Variants in DCAF16 observed in about 807,000 individuals in gnomAD.
The protein encoded by DCAF16 is DDB1 and CUL4 associated factor 16.
A neutral mutation model predicts 17.3 loss-of-function variants in DCAF16; 10 were observed. The ratio of observed to expected loss-of-function variants is 0.58; its 90% CI spans 0.36 to 0.98. The LOEUF (loss-of-function observed/expected upper bound fraction) is 0.98. DCAF16 is among the 50% of genes least tolerant of loss of function. The probability of loss-of-function intolerance (pLI) is 0.01; values close to 1 mark genes in which losing one functional copy is unlikely to be tolerated. For synonymous variants in DCAF16, 111 were observed against 92.8 expected, an observed-to-expected ratio of 1.20 and a Z score of -1.12; for missense variants, 249 against 247.6, an observed-to-expected ratio of 1.01 and a Z score of -0.04.
At chr4:17,799,179 G>A (rs73096973), downstream of DCAF16, among the ~76,000 whole-genome samples, 20,358 of 152,106 alleles carry the variant, frequency 0.13, 1,523 homozygotes, top group South Asian at 0.26. Flanking sequence ...CTGAGTATCC[G>A]TTGTGGGGGT....
rs935973371 is a variant in DCAF16 at position 17,802,929 on chromosome 4, G to A, written c.*562C>T. ...ATTAATAATCAGGTATCTCATTAAA[G>A]CCATTCAGAAAGGCAGAGTAAATTG... is the stretch of plus-strand genomic sequence containing the variant. On this transcript the variant is annotated 3_prime_UTR_variant, in exon 3 of 3. Transcript: ENST00000382247. The A allele has an allele frequency of 2.0e-5, 3 of 153,416 alleles. No individual in the cohort carries two copies. The highest frequency in any genetic ancestry group is 4.4e-5 in the Non-Finnish European group (3 of 68,938). 9.5% of individuals were successfully genotyped at this position (153,416 alleles called of 1,614,324 possible).
At position 17,804,077 on chromosome 4, in the gene DCAF16, A is replaced by G. The variant is rs779079995; in HGVS notation, c.65T>C (p.Ile22Thr). ...CCCAGAACTCTCATTTAGGTAACTAATATTTTCTTCTTCCTCACTTTCTGA... is the reference window on the plus strand; with the variant it reads ...CCCAGAACTCTCATTTAGGTAACTAGTATTTTCTTCTTCCTCACTTTCTGA... ...SESESEEEEN[I>T]SYLNESSGEE... Residue 22 changes from isoleucine (I) to threonine (T), a missense_variant, in exon 3 of 3, where the codon ATT (isoleucine) becomes ACT (threonine). Transcript: ENST00000382247. 6.2e-7 allele frequency: 1 copy of G among 1,614,186 alleles called. No individual in the cohort carries two copies. Among genetic ancestry groups the G allele is most frequent in the South Asian group, 1.1e-5 (1 of 91,092 alleles).
chr4:17,809,995 C>A (rs1044380132), intron 1 of DCAF16, among the ~76,000 whole-genome samples: 1 of 152,106 alleles, frequency 6.6e-6, no homozygotes, highest in Non-Finnish European at 1.5e-5. Flanking sequence ...ATGTCAATTT[C>A]TTTTACAACA....
intron 1 of DCAF16, among the ~76,000 whole-genome samples, chr4:17,807,267 T>A (rs142929806): frequency 5.4e-4 from 83 of 152,314 alleles, no homozygotes; most frequent in Middle Eastern, 6.8e-3. Context: ...TGGACTGAAC[T>A]AAAGATACCA....
At chr4:17,799,252 C>A (rs554055508), downstream of DCAF16, among the ~76,000 whole-genome samples, 6 of 152,228 alleles carry the variant, frequency 3.9e-5, no homozygotes, top group Admixed American at 2.6e-4. Context: ...CCATTCAATT[C>A]TTTTATATGA....
intron 1 of DCAF16, chr4:17,809,615 T>C (rs762836318): frequency 6.6e-6 from 1 of 152,158 alleles, no homozygotes; most frequent in Non-Finnish European, 1.5e-5. Context: ...CAGCTGGCAG[T>C]AGGTTACTGA....
chr4:17,809,741 CAG>C (rs1410875956), intron 1 of DCAF16: 4 of 152,106 alleles, frequency 2.6e-5, no homozygotes, highest in Non-Finnish European at 5.9e-5. Flanking sequence ...ATTACATACG[CAG>C]AGGAGTCCCA....
At chr4:17,796,451 C>G (rs960231193), downstream of DCAF16, among the ~76,000 whole-genome samples, 3 of 152,176 alleles carry the variant, frequency 2.0e-5, no homozygotes, top group Admixed American at 6.5e-5. Flanking sequence ...TGGCTCACGC[C>G]TGTAATTCCA....
Position 17,803,535 on chromosome 4 carries a change from C to T in DCAF16, c.607G>A (p.Asp203Asn). Residue 203 changes from aspartate to asparagine, a missense_variant, in exon 3 of 3, where the codon GAC becomes AAC. Asp to Asn is a conservative substitution (Grantham distance 23, BLOSUM62 1). Transcript: ENST00000382247. ...AGTTTGTTAACTGCCTTTTGGAAGT[C>T]AGTGTAAGAATAAGTAGTGTTGATG... is the stretch of plus-strand genomic sequence containing the variant. ...EPINTTYSYT[D>N]FQKAVNKLLT... is the part of the protein sequence containing the mutation. The T allele has an allele frequency of 6.2e-7, 1 of 1,614,118 alleles. No individual in the cohort carries two copies. Among genetic ancestry groups the T allele is most frequent in the East Asian group, 2.2e-5 (1 of 44,886 alleles).
At chr4:17,805,443 TA>T (rs932388899) in intron 1 of DCAF16, among the ~76,000 whole-genome samples, 2 of 151,642 alleles carry the variant, frequency 1.3e-5, no homozygotes, top group African/African-American at 4.8e-5. Flanking sequence ...TAGCTCAAAT[TA>T]AAAAAAAGTA....
At position 17,810,569 on chromosome 4, in the gene DCAF16, G is replaced by A. The variant is rs1720823917; in HGVS notation, c.-872C>T. The A allele has an allele frequency of 6.6e-6, 1 of 152,434 alleles. No homozygotes were observed. The highest frequency in any genetic ancestry group is 2.4e-5 in the African/African-American group (1 of 41,476). The allele number at this position is 152,434 out of a possible 1,614,324, so 9.4% of individuals were successfully genotyped here. A position where few individuals can be genotyped will look rare whatever the true frequency, so the allele number is the denominator to read the frequency against. ...CTCTCGAAGCGGAGCCCTCGTGTGGGGATCCCCCGCCCTTCGGCCACAAGG... is the reference window on the plus strand; with the variant it reads ...CTCTCGAAGCGGAGCCCTCGTGTGGAGATCCCCCGCCCTTCGGCCACAAGG... On this transcript the variant is annotated 5_prime_UTR_variant, in exon 1 of 3. Transcript: ENST00000382247.
downstream of DCAF16, among the ~76,000 whole-genome samples, chr4:17,798,086 T>C (rs1346383885): frequency 6.6e-6 from 1 of 152,196 alleles, no homozygotes; most frequent in African/African-American, 2.4e-5. Flanking sequence ...AGCTAACCAG[T>C]ATCCTGAGTC....
rs369957268 is a variant in DCAF16 at position 17,803,500 on chromosome 4, T to A, written c.642A>T (p.Ala214=). 34 of 1,613,258 alleles carry A rather than the reference T, an allele frequency of 2.1e-5. No individual in the cohort carries two copies. Among genetic ancestry groups the A allele is most frequent in the Non-Finnish European group, 2.9e-5 (34 of 1,179,350 alleles). ...AGCAAATGGTAGATCTTTACAGTGA[T>A]GCAGTTAGGAGTTTGTTAACTGCCT... The part of the protein sequence containing the change: ...FQKAVNKLLT[A]SL Residue 214 remains alanine (A), a synonymous_variant, in exon 3 of 3, where the codon GCA becomes GCT. Transcript: ENST00000382247.
downstream of DCAF16, among the ~76,000 whole-genome samples, chr4:17,799,171 G>C (rs538372512): frequency 8.1e-4 from 124 of 152,298 alleles, no homozygotes; most frequent in African/African-American, 2.8e-3. Flanking sequence ...TTCCTTGGCT[G>C]AGTATCCGTT....
rs905381378 is a variant in DCAF16 at position 17,802,673 on chromosome 4, C to T, written c.*818G>A. 7.6e-5 allele frequency: 11 copies of T among 145,634 alleles called. No homozygotes were observed. The highest frequency in any genetic ancestry group is 1.4e-4 in the Non-Finnish European group (9 of 66,532). The allele number at this position is 145,634 out of a possible 1,614,324, so 9.0% of individuals were successfully genotyped here. A position where few individuals can be genotyped will look rare whatever the true frequency, so the allele number is the denominator to read the frequency against. On this transcript the variant is annotated 3_prime_UTR_variant, in exon 3 of 3. Transcript: ENST00000382247. The stretch of plus-strand genomic sequence containing the variant: ...AAAAAAAAGAAAAAATAAAAGGAAC[C>T]CTAAAGAGTGTCATATGTAGGCACA...
rs751448201 is a variant in DCAF16 at position 17,803,814 on chromosome 4, T to A, written c.328A>T (p.Ile110Phe). 1.2e-6 allele frequency: 2 copies of A among 1,614,036 alleles called. No individual in the cohort carries two copies. Among genetic ancestry groups the A allele is most frequent in the Admixed American group, 3.3e-5 (2 of 60,004 alleles). ...CSHCVPKLEPIPEWPPLASCG... is the reference protein window; with the variant it reads ...CSHCVPKLEPFPEWPPLASCG... ...GAGGCCAGAGGGGGCCATTCAGGAATTGGTTCCAGTTTGGGGACACAATGG... is the reference window on the plus strand; with the variant it reads ...GAGGCCAGAGGGGGCCATTCAGGAAATGGTTCCAGTTTGGGGACACAATGG... The change falls in exon 3 of 3, where the codon ATT (isoleucine) becomes TTT (phenylalanine). Residue 110 changes from isoleucine to phenylalanine, a missense_variant. Transcript: ENST00000382247.
In DCAF16 at chr4:17,803,514, T is replaced by C; in HGVS notation, c.628A>G (p.Lys210Glu). 6.2e-7 allele frequency: 1 copy of C among 1,614,100 alleles called. No homozygotes were observed. The highest frequency in any genetic ancestry group is 2.2e-5 in the East Asian group (1 of 44,886). ...CTTTACAGTGATGCAGTTAGGAGTTTGTTAACTGCCTTTTGGAAGTCAGTG... is the reference window on the plus strand; with the variant it reads ...CTTTACAGTGATGCAGTTAGGAGTTCGTTAACTGCCTTTTGGAAGTCAGTG... ...SYTDFQKAVN[K>E]LLTASL Residue 210 changes from lysine (K) to glutamate (E), a missense_variant, in exon 3 of 3, where the codon AAA becomes GAA. Lys to Glu is a moderately conservative substitution (Grantham distance 56). Coordinates refer to ENST00000382247, the MANE Select transcript of DCAF16 (RefSeq NM_017741.4).
At chr4:17,807,607 T>C (rs1338744829) in intron 1 of DCAF16, among the ~76,000 whole-genome samples, 2 of 152,196 alleles carry the variant, frequency 1.3e-5, no homozygotes, top group Non-Finnish European at 2.9e-5. Flanking sequence ...ATGAACAACA[T>C]GTATGAAGAT....
rs1005266375 is a variant in DCAF16, at chr4:17,801,131, C to T, written c.*2360G>A. ...TATATATTTACACAATTTGTGATTC[C>T]TAACCTTTTTTTTTTTTGAGACGGT... On this transcript the variant is annotated 3_prime_UTR_variant, in exon 3 of 3. Transcript: ENST00000382247. 4.0e-5 allele frequency: 6 copies of T among 151,672 alleles called. No individual in the cohort carries two copies. Among genetic ancestry groups the T allele is most frequent in the Admixed American group, 3.3e-4 (5 of 15,238 alleles). 9.4% of individuals were successfully genotyped at this position (151,672 alleles called of 1,614,324 possible). A position where few individuals can be genotyped will look rare whatever the true frequency, so the allele number is the denominator to read the frequency against.
Sources: allele counts gnomAD v4.1 joint callset (sites outside exome capture counted in the v4.1 genomes callset), GRCh38; gene constraint gnomAD v4.1.1; transcripts MANE v1.5; gene names NCBI Gene and HGNC (gene_info 2026-07-23, HGNC 2026-07-21).